RASGRF2: variants seen among roughly 807,000 people sequenced by gnomAD.
RASGRF2 encodes the protein Ras protein specific guanine nucleotide releasing factor 2, also known as ras-specific guanine nucleotide-releasing factor 2.
A neutral mutation model predicts 151.0 loss-of-function variants in RASGRF2; 76 were observed. The ratio of observed to expected loss-of-function variants is 0.50; its 90% CI spans 0.42 to 0.61. RASGRF2 has a LOEUF of 0.61. Among genes scored for constraint, RASGRF2 ranks in the 20% least tolerant of loss-of-function variants. RASGRF2 has a pLI of 0.00. For synonymous variants in RASGRF2, 504 were observed against 566.5 expected (o/e 0.89, Z 1.57); for missense variants, 1,148 against 1,564.6 (o/e 0.73, Z 4.49).
At position 81,073,468 on chromosome 5, in the gene RASGRF2, A is replaced by T. The variant is rs552459553; in HGVS notation, c.887+16A>T. On this transcript the variant is annotated intron_variant, in intron 5 of 26. Transcript: ENST00000265080. The stretch of plus-strand genomic sequence containing the variant: ...TTCTTAACAGGTTTGACATTGCATA[A>T]ATCAAAGAGTTATGAGAAAAACCCC... 4 of 1,604,684 alleles carry T rather than the reference A, an allele frequency of 2.5e-6. No individual in the cohort carries two copies. In the South Asian group the frequency reaches 4.5e-5, roughly 18 times the overall value.
rs1257138077 is a variant in RASGRF2 at position 80,960,939 on chromosome 5, C to T, written c.201C>T (p.Leu67=). The T allele has an allele frequency of 6.3e-7, 1 of 1,584,992 alleles. No homozygotes were observed. Residue 67 remains leucine, a synonymous_variant, in exon 1 of 27, where the codon CTC becomes CTT. Coordinates refer to ENST00000265080, the MANE Select transcript of RASGRF2 (RefSeq NM_006909.3). The surrounding 1 kb of genome is among the most constrained non-coding windows in gnomAD (Gnocchi z 5.5). The stretch of plus-strand genomic sequence containing the variant: ...GCTGCCGCCCGGCGGGCATGTACCT[C>T]CTGGAGGGCTGCAGCTGCGAACGAA... The part of the protein sequence containing the change: ...EQSCRPAGMY[L]LEGCSCERTP...
chr5:81,211,275 C>T (rs116644873), intron 22 of RASGRF2, among the ~76,000 whole-genome samples: 2,275 of 152,092 alleles, frequency 0.015, 72 homozygotes, highest in African/African-American at 0.052. Flanking sequence ...CTTTGTGTTT[C>T]GCTGCATGGC....
intron 1 of RASGRF2, among the ~76,000 whole-genome samples, chr5:80,973,381 GGGTGCTGGGTT>G (rs1748003060): frequency 1.3e-5 from 2 of 152,144 alleles, no homozygotes. Context: ...TTCCCTCCTC[GGGTGCTGGGTT>G]GTTGCTCTTC....
At chr5:80,963,588 A>G (rs1207338766) in intron 1 of RASGRF2, among the ~76,000 whole-genome samples, 1 of 152,210 alleles carries the variant, frequency 6.6e-6, no homozygotes, top group East Asian at 1.9e-4. Flanking sequence ...AGTGTGGAGA[A>G]TGTGAAAGAC....
At chr5:81,153,221 T>A (rs1424990142) in intron 17 of RASGRF2, among the ~76,000 whole-genome samples, 3 of 152,220 alleles carry the variant, frequency 2.0e-5, no homozygotes, top group African/African-American at 7.2e-5. Context: ...GTGATCCGTG[T>A]GTATGTTACC....
At chr5:81,007,515 T>C (rs1406368033) in intron 1 of RASGRF2, among the ~76,000 whole-genome samples, 1 of 152,108 alleles carries the variant, frequency 6.6e-6, no homozygotes, top group African/African-American at 2.4e-5. Context: ...AGCCCTATTG[T>C]CAGCTGCCCC....
intron 10 of RASGRF2, 93 bp from the exon 11 acceptor site, chr5:81,094,203 T>A (rs1326678945): frequency 4.0e-6 from 4 of 997,162 alleles, no homozygotes; most frequent in Non-Finnish European, 6.0e-6. Flanking sequence ...TATGCTTTCT[T>A]CCATGGCAAC....
intron 23 of RASGRF2, among the ~76,000 whole-genome samples, chr5:81,214,596 A>G (rs1258655034): frequency 6.6e-6 from 1 of 152,218 alleles, no homozygotes; most frequent in Non-Finnish European, 1.5e-5. Context: ...CATCTCTAAG[A>G]GCCCTCAGAC....
At chr5:81,081,841 A>G (rs1752096035) in intron 7 of RASGRF2, among the ~76,000 whole-genome samples, 1 of 152,192 alleles carries the variant, frequency 6.6e-6, no homozygotes, top group African/African-American at 2.4e-5. Context: ...AAAACCACTT[A>G]AGTATAGTGA....
intron 12 of RASGRF2, among the ~76,000 whole-genome samples, chr5:81,104,205 G>A (rs1752780275): frequency 6.6e-6 from 1 of 152,070 alleles, no homozygotes; most frequent in South Asian, 2.1e-4. Flanking sequence ...ATATGGCAAA[G>A]TGTTAATAAT....
At chr5:80,989,691 GCT>G in intron 1 of RASGRF2, among the ~76,000 whole-genome samples, 1 of 152,302 alleles carries the variant, frequency 6.6e-6, no homozygotes, top group East Asian at 1.9e-4. Context: ...GAGCTAGCCT[GCT>G]CTCCTCACGT....
At position 81,029,963 on chromosome 5, in the gene RASGRF2, C is replaced by T. The variant is rs374654386; in HGVS notation, c.289-12914C>T. 3.3e-5 allele frequency among the ~76,000 whole-genome samples: 5 copies of T among 152,136 alleles called. 1 individual carries two copies. Among genetic ancestry groups the T allele is most frequent in the African/African-American group, 1.2e-4 (5 of 41,432 alleles). Reference sequence around the variant, plus strand: ...CAATGTAGAGAAGACCTTAAATGACCTGATGGAGCTGAAAACCATGGCACG... The same window carrying T: ...CAATGTAGAGAAGACCTTAAATGACTTGATGGAGCTGAAAACCATGGCACG... On this transcript the variant is annotated intron_variant, in intron 1 of 26. Transcript: ENST00000265080.
chr5:81,078,936 A>G (rs1752012214), intron 5 of RASGRF2, among the ~76,000 whole-genome samples: 1 of 152,152 alleles, frequency 6.6e-6, no homozygotes, highest in South Asian at 2.1e-4. Flanking sequence ...CACTGCCACC[A>G]CTGCTGCTGC....
intron 1 of RASGRF2, among the ~76,000 whole-genome samples, chr5:81,036,289 C>T (rs544129131): frequency 6.6e-6 from 1 of 152,006 alleles, no homozygotes; most frequent in South Asian, 2.1e-4. Flanking sequence ...GCTCTATTTT[C>T]CTCCTGCCAT....
At chr5:81,028,646 A>G (rs1750123798) in intron 1 of RASGRF2, among the ~76,000 whole-genome samples, 1 of 152,252 alleles carries the variant, frequency 6.6e-6, no homozygotes, top group African/African-American at 2.4e-5. Context: ...AGCCATGAAA[A>G]TAAAAAATTT....
intron 1 of RASGRF2, among the ~76,000 whole-genome samples, chr5:80,973,693 A>G (rs942044212): frequency 6.6e-6 from 1 of 152,240 alleles, no homozygotes; most frequent in Admixed American, 6.5e-5. Flanking sequence ...ATGATACTCC[A>G]TAATCACCTC....
chr5:81,202,821 G>A (rs1479719221), intron 19 of RASGRF2, among the ~76,000 whole-genome samples: 2 of 152,240 alleles, frequency 1.3e-5, no homozygotes, highest in Admixed American at 1.3e-4. Context: ...TTATGCAGCT[G>A]CAAGCCAAAG....
intron 17 of RASGRF2, among the ~76,000 whole-genome samples, chr5:81,150,525 C>A (rs1030172386): frequency 6.6e-6 from 1 of 152,146 alleles, no homozygotes; most frequent in East Asian, 1.9e-4. Context: ...CAGCCCCTAT[C>A]GTCAAGGCAG....
intron 3 of RASGRF2, among the ~76,000 whole-genome samples, chr5:81,069,256 C>T (rs1751703876): frequency 6.6e-6 from 1 of 152,224 alleles, no homozygotes. Context: ...GATGTGGCAG[C>T]TTCTCTGATG....
Sources: allele counts gnomAD v4.1 joint callset (sites outside exome capture counted in the v4.1 genomes callset), GRCh38; gene constraint gnomAD v4.1.1; non-coding constraint Gnocchi (gnomAD v3.1); transcripts MANE v1.5; gene names NCBI Gene and HGNC (gene_info 2026-07-23, HGNC 2026-07-21).